Variants in EYA2 observed in about 807,000 individuals in gnomAD.
The protein encoded by EYA2 is EYA transcriptional coactivator and phosphatase 2.
In EYA2, 31 loss-of-function variants were observed where a neutral mutation model predicts 69.2. The ratio of observed to expected loss-of-function variants is 0.45; its 90% CI spans 0.34 to 0.60. EYA2 has a LOEUF of 0.60. Ranked by LOEUF, EYA2 falls within the 20% of genes least tolerant of loss-of-function variation. The pLI is 0.02. For missense variants in EYA2, 622 were observed against 701.2 expected, an observed-to-expected ratio of 0.89 and a Z score of 1.28; for synonymous variants, 257 against 279.4, an observed-to-expected ratio of 0.92 and a Z score of 0.80.
chr20:47,017,439 AT>A (rs1983477911), intron 5 of EYA2, among the ~76,000 whole-genome samples: 1 of 152,010 alleles, frequency 6.6e-6, no homozygotes, highest in Non-Finnish European at 1.5e-5. Flanking sequence ...CTTTGATAGT[AT>A]TTTTCTTTTA....
At chr20:46,936,825 T>G in intron 1 of EYA2, among the ~76,000 whole-genome samples, 1 of 151,982 alleles carries the variant, frequency 6.6e-6, no homozygotes, top group Non-Finnish European at 1.5e-5. Flanking sequence ...AGCTGGCACT[T>G]TAGTTTTGCG....
At position 46,932,895 on chromosome 20, in the gene EYA2, A is replaced by T. The variant is rs138649935; in HGVS notation, c.-11+37908A>T. 4.3e-4 allele frequency among the ~76,000 whole-genome samples: 66 copies of T among 152,094 alleles called. No homozygotes were observed. The South Asian group carries it at 8.1e-3, about 19-fold the overall frequency. On this transcript the variant is annotated intron_variant, in intron 1 of 15. Coordinates refer to ENST00000327619, the MANE Select transcript of EYA2 (RefSeq NM_005244.5). ...GTGAGCCTCTGTCTCAAAAAATATT[A>T]AAAAATAAAGTGTTTGGCAGTCTCC...
intron 9 of EYA2, among the ~76,000 whole-genome samples, chr20:47,103,568 A>G (rs1384104644): frequency 1.3e-5 from 2 of 152,242 alleles, no homozygotes; most frequent in Non-Finnish European, 2.9e-5. Context: ...CAGAAGAGGA[A>G]GCAAACACTT....
chr20:47,166,414 A>T (rs1185033437), intron 10 of EYA2, among the ~76,000 whole-genome samples: 9 of 141,464 alleles, frequency 6.4e-5, no homozygotes, highest in Admixed American at 2.7e-4. Context: ...AAAAAAAAAA[A>T]AAAAAAAAAA....
At chr20:46,980,691 A>G (rs779267596) in intron 1 of EYA2, among the ~76,000 whole-genome samples, 1 of 152,174 alleles carries the variant, frequency 6.6e-6, no homozygotes, top group Non-Finnish European at 1.5e-5. Context: ...GTACTGTTCT[A>G]TTGAACACTA....
rs1028420013 is a variant in EYA2, at chr20:47,188,316, A to G, written c.*183A>G. 2.2e-5 allele frequency: 14 copies of G among 624,090 alleles called. No individual in the cohort carries two copies. The highest frequency in any genetic ancestry group is 4.0e-5 in the Non-Finnish European group (14 of 350,698). The allele number at this position is 624,090 out of a possible 1,614,324, so 38.7% of individuals were successfully genotyped here. On this transcript the variant is annotated 3_prime_UTR_variant, in exon 16 of 16. Transcript: ENST00000327619. ...AGTCCAAATGGGGGTTCTGAGAAGGAAAGTACCCAACATTGGCTTCGGAGT... is the reference window on the plus strand; with the variant it reads ...AGTCCAAATGGGGGTTCTGAGAAGGGAAGTACCCAACATTGGCTTCGGAGT...
At chr20:47,108,927 C>T (rs2032671409) in intron 9 of EYA2, among the ~76,000 whole-genome samples, 2 of 152,048 alleles carry the variant, frequency 1.3e-5, no homozygotes, top group Admixed American at 6.5e-5. Context: ...AGGTTGGAAT[C>T]CTGGCGATGG....
At chr20:47,164,222 G>T (rs1171467678) in intron 10 of EYA2, among the ~76,000 whole-genome samples, 8 of 152,162 alleles carry the variant, frequency 5.3e-5, no homozygotes, top group Non-Finnish European at 1.2e-4. Flanking sequence ...GGCTCAAGGG[G>T]TAACTTGATC....
chr20:47,100,687 A>G (rs191614358), intron 9 of EYA2, among the ~76,000 whole-genome samples: 12 of 152,206 alleles, frequency 7.9e-5, no homozygotes, highest in Non-Finnish European at 1.3e-4. Flanking sequence ...CTGTTAGAGC[A>G]CCCAGATCGC....
intron 1 of EYA2, among the ~76,000 whole-genome samples, chr20:46,986,670 C>G (rs1981238453): frequency 6.6e-6 from 1 of 152,014 alleles, no homozygotes; most frequent in Non-Finnish European, 1.5e-5. Flanking sequence ...CCTTGGGAAG[C>G]TTTTACTCAT....
intron 5 of EYA2, among the ~76,000 whole-genome samples, chr20:47,025,348 G>A (rs939935466): frequency 1.3e-5 from 2 of 152,112 alleles, no homozygotes; most frequent in African/African-American, 4.8e-5. Context: ...ATAACTCATG[G>A]CCTTTCAAGA....
intron 1 of EYA2, among the ~76,000 whole-genome samples, chr20:46,937,126 G>A (rs1985943382): frequency 6.6e-6 from 1 of 152,182 alleles, no homozygotes; most frequent in South Asian, 2.1e-4. Flanking sequence ...TATATAAAAA[G>A]TACAGACGTA....
intron 1 of EYA2, among the ~76,000 whole-genome samples, chr20:46,974,040 A>C (rs767849418): frequency 2.6e-5 from 4 of 152,156 alleles, no homozygotes; most frequent in Non-Finnish European, 5.9e-5. Context: ...CATCTCTGCT[A>C]CTTACCGTTG....
chr20:46,929,035 A>C (rs1043318147), intron 1 of EYA2, among the ~76,000 whole-genome samples: 1 of 152,142 alleles, frequency 6.6e-6, no homozygotes, highest in African/African-American at 2.4e-5. Context: ...ATAAGGAGAG[A>C]AACTTGCAAG....
At chr20:46,963,670 T>C (rs565299916) in intron 1 of EYA2, among the ~76,000 whole-genome samples, 3 of 152,300 alleles carry the variant, frequency 2.0e-5, no homozygotes, top group Admixed American at 2.0e-4. Flanking sequence ...AGCATTGATA[T>C]TTAACAAAAA....
intron 9 of EYA2, among the ~76,000 whole-genome samples, chr20:47,123,909 T>G (rs540979656): frequency 2.2e-4 from 34 of 151,922 alleles, no homozygotes; most frequent in African/African-American, 8.0e-4. Flanking sequence ...GGAGAATCAC[T>G]TGAACCCAAG....
intron 1 of EYA2, among the ~76,000 whole-genome samples, chr20:46,950,309 C>T (rs1363631055): frequency 6.6e-6 from 1 of 152,204 alleles, no homozygotes; most frequent in African/African-American, 2.4e-5. Context: ...GACAGAGACT[C>T]AATTTTCACA....
chr20:46,992,705 C>A (rs1015810022), intron 2 of EYA2, among the ~76,000 whole-genome samples: 1 of 152,148 alleles, frequency 6.6e-6, no homozygotes, highest in African/African-American at 2.4e-5. Context: ...AATCTGGCTG[C>A]CATGGTGAAG....
At chr20:47,087,177 T>C (rs1022213967) in intron 7 of EYA2, among the ~76,000 whole-genome samples, 2 of 152,324 alleles carry the variant, frequency 1.3e-5, no homozygotes, top group Admixed American at 6.5e-5. Context: ...GTTAAGAAGC[T>C]TTTATAAATA....
Sources: allele counts gnomAD v4.1 joint callset (sites outside exome capture counted in the v4.1 genomes callset), GRCh38; gene constraint gnomAD v4.1.1; transcripts MANE v1.5; gene names NCBI Gene and HGNC (gene_info 2026-07-23, HGNC 2026-07-21).